PKP2: variants seen among roughly 807,000 people sequenced by gnomAD.
PKP2 encodes the protein plakophilin 2.
A neutral mutation model predicts 83.4 loss-of-function variants in PKP2; 73 were observed. That is an observed-to-expected ratio of 0.88 (90% CI 0.72 to 1.06). The LOEUF (loss-of-function observed/expected upper bound fraction) is 1.06. Among genes scored for constraint, PKP2 ranks in the 50% least tolerant of loss-of-function variants. The pLI is 0.00. For missense variants in PKP2, 966 were observed against 1,065.4 expected, an observed-to-expected ratio of 0.91 and a Z score of 1.30; for synonymous variants, 409 against 430.4, an observed-to-expected ratio of 0.95 and a Z score of 0.62.
intron 9 of PKP2, among the ~76,000 whole-genome samples, chr12:32,803,474 C>T (rs1175404848): frequency 6.6e-6 from 1 of 152,174 alleles, no homozygotes; most frequent in Non-Finnish European, 1.5e-5. Context: ...TTTCCCTTTT[C>T]CTTTTCTTGT....
At chr12:32,853,655 C>T (rs1025268836) in intron 4 of PKP2, among the ~76,000 whole-genome samples, 2 of 152,038 alleles carry the variant, frequency 1.3e-5, no homozygotes, top group Non-Finnish European at 2.9e-5. Context: ...GGATTACAGG[C>T]GCGCCCTACC....
At chr12:32,861,929 ACT>A (rs969589188) in intron 4 of PKP2, among the ~76,000 whole-genome samples, 1 of 152,056 alleles carries the variant, frequency 6.6e-6, no homozygotes, top group African/African-American at 2.4e-5. Flanking sequence ...AGAGAGTCTC[ACT>A]CTGTTGCCCA....
chr12:32,852,697 C>G (rs1291026257), intron 4 of PKP2, among the ~76,000 whole-genome samples: 1 of 152,160 alleles, frequency 6.6e-6, no homozygotes, highest in Non-Finnish European at 1.5e-5. Context: ...TGGCTCCCTT[C>G]TGAGGAGACA....
At chr12:32,888,083 G>A (rs935207737) in intron 1 of PKP2, among the ~76,000 whole-genome samples, 7 of 152,268 alleles carry the variant, frequency 4.6e-5, no homozygotes, top group African/African-American at 1.7e-4. Flanking sequence ...TCAGGAGGCT[G>A]AGGTGAGAGA....
Position 32,796,285 on chromosome 12 carries a change from G to A in PKP2, c.2181C>T (p.Leu727=), listed in dbSNP as rs1032835001. Residue 727 remains leucine (L), a synonymous_variant, in exon 11 of 13, where the codon CTC becomes CTT. Transcript: ENST00000340811. The part of the protein sequence containing the change: ...SLQNEIAKET[L]PDLVSIIPDT... ...CAGGAATGATGGAAACCAAATCAGGGAGAGTTTCTTTGGCTACAAAATGAA... is the reference window on the plus strand; with the variant it reads ...CAGGAATGATGGAAACCAAATCAGGAAGAGTTTCTTTGGCTACAAAATGAA... 3 of 1,610,826 alleles carry A rather than the reference G, an allele frequency of 1.9e-6. No homozygotes were observed. The highest frequency in any genetic ancestry group is 2.2e-5 in the East Asian group (1 of 44,772).
intron 4 of PKP2, among the ~76,000 whole-genome samples, chr12:32,853,757 G>A (rs1183468654): frequency 6.6e-6 from 1 of 151,886 alleles, no homozygotes; most frequent in Non-Finnish European, 1.5e-5. Context: ...GTGATCTGCC[G>A]GCCTCAGGCT....
chr12:32,822,755 C>T (rs1355929898), intron 7 of PKP2, 124 bp from the exon 8 acceptor site: 36 of 1,028,354 alleles, frequency 3.5e-5, no homozygotes, highest in Non-Finnish European at 4.8e-5. Context: ...GCTTAAACTG[C>T]GGGTTGCCTG....
intron 9 of PKP2, among the ~76,000 whole-genome samples, chr12:32,806,751 T>C (rs1432704944): frequency 6.6e-6 from 1 of 151,582 alleles, no homozygotes; most frequent in Non-Finnish European, 1.5e-5. Flanking sequence ...TTTCTTGCCT[T>C]GGGGTTTGTT....
intron 9 of PKP2, among the ~76,000 whole-genome samples, chr12:32,813,467 C>CT (rs1373613320): frequency 6.6e-6 from 1 of 152,144 alleles, no homozygotes; most frequent in Non-Finnish European, 1.5e-5. Flanking sequence ...TAGTCAGTAT[C>CT]TTTTTTTCAA....
Position 32,802,505 on chromosome 12 carries a change from G to C in PKP2, c.2065C>G (p.His689Asp), listed in dbSNP as rs771760693. 7.0e-5 allele frequency: 113 copies of C among 1,613,938 alleles called. No homozygotes were observed. Among genetic ancestry groups the C allele is most frequent in the Non-Finnish European group, 9.5e-5 (112 of 1,179,930 alleles). ...CCAACATGCAGCATCTTTCGGGTGT[G>C]CTGCAGGCCACTTTCCTTCTGGACA... ...TVVQKESGLQ[H>D]TRKMLHVGDP... The change falls in exon 10 of 13, where the codon CAC (histidine) becomes GAC (aspartate). Residue 689 changes from histidine to aspartate, a missense_variant. By Grantham distance (81) the His-to-Asp change is moderately conservative. Transcript: ENST00000340811.
At chr12:32,839,406 G>T (rs1956569528) in intron 6 of PKP2, among the ~76,000 whole-genome samples, 1 of 147,298 alleles carries the variant, frequency 6.8e-6, no homozygotes, top group Non-Finnish European at 1.5e-5. Context: ...GCTAAGCAAG[G>T]GCTGCCTACG....
At chr12:32,856,534 A>G (rs965865044) in intron 4 of PKP2, among the ~76,000 whole-genome samples, 2 of 152,118 alleles carry the variant, frequency 1.3e-5, no homozygotes, top group African/African-American at 4.8e-5. Context: ...GTTCTCACTC[A>G]TAGGTGGGAA....
Position 32,796,958 on chromosome 12 carries a change from T to C in PKP2, c.2168-660A>G, listed in dbSNP as rs371083429. Among the ~76,000 whole-genome samples, 28 of 152,292 alleles carry C rather than the reference T, an allele frequency of 1.8e-4. No homozygotes were observed. In the South Asian group the frequency reaches 5.8e-3, roughly 32 times the overall value. On this transcript the variant is annotated intron_variant, in intron 10 of 12. Coordinates refer to ENST00000340811, the MANE Select transcript of PKP2 (RefSeq NM_001005242.3). ...AAAAAGCTTTCTACAGAGATCTTTA[T>C]GACAGTACTACATGTAACTGAAAAA...
intron 4 of PKP2, among the ~76,000 whole-genome samples, chr12:32,866,173 TAAG>T (rs1194542768): frequency 2.0e-5 from 3 of 151,862 alleles, no homozygotes; most frequent in Non-Finnish European, 4.4e-5. Flanking sequence ...AATTCAATAA[TAAG>T]AAAACAAAAC....
At chr12:32,819,894 C>CTT (rs1358791809) in intron 9 of PKP2, among the ~76,000 whole-genome samples, 3 of 150,794 alleles carry the variant, frequency 2.0e-5, no homozygotes, top group Non-Finnish European at 4.4e-5. Context: ...AACCCCCCCC[C>CTT]CCCCATTTAA....
chr12:32,863,495 T>C, intron 4 of PKP2: 1 of 180,152 alleles, frequency 5.6e-6, no homozygotes, highest in South Asian at 1.3e-4. Flanking sequence ...AAATAAAAAT[T>C]TTCAGGTAAA....
At chr12:32,895,100 A>C (rs1176907953) in intron 1 of PKP2, among the ~76,000 whole-genome samples, 1 of 152,150 alleles carries the variant, frequency 6.6e-6, no homozygotes, top group Admixed American at 6.5e-5. Flanking sequence ...TCTGCCACTT[A>C]CCATCTATTA....
intron 6 of PKP2, among the ~76,000 whole-genome samples, chr12:32,826,289 A>AAG (rs1040467287): frequency 2.0e-5 from 3 of 148,216 alleles, no homozygotes; most frequent in Non-Finnish European, 4.5e-5. Flanking sequence ...CCGGGTGACA[A>AAG]AGCTAGACAC....
chr12:32,836,607 T>C (rs1956547261), intron 6 of PKP2, among the ~76,000 whole-genome samples: 1 of 152,232 alleles, frequency 6.6e-6, no homozygotes, highest in South Asian at 2.1e-4. Context: ...TAATTTACTA[T>C]AGTAATCTAA....
Sources: allele counts gnomAD v4.1 joint callset (sites outside exome capture counted in the v4.1 genomes callset), GRCh38; gene constraint gnomAD v4.1.1; transcripts MANE v1.5; gene names NCBI Gene and HGNC (gene_info 2026-07-23, HGNC 2026-07-21).